Variants in DYM observed in about 807,000 individuals in gnomAD.
The protein encoded by DYM is dyggve-Melchior-Clausen syndrome protein.
A neutral mutation model predicts 93.1 loss-of-function variants in DYM; 78 were observed. The ratio of observed to expected loss-of-function variants is 0.84; its 90% CI spans 0.70 to 1.01. The LOEUF is 1.01. Among genes scored for constraint, DYM ranks in the 50% least tolerant of loss-of-function variants. The pLI, the probability that DYM is intolerant of heterozygous loss-of-function variation, is 0.00. For synonymous variants in DYM, 321 were observed against 319.7 expected, an observed-to-expected ratio of 1.00 and a Z score of -0.04; for missense variants, 789 against 845.0, an observed-to-expected ratio of 0.93 and a Z score of 0.82.
At chr18:49,175,583 G>A (rs1041737371) in intron 14 of DYM, among the ~76,000 whole-genome samples, 11 of 152,126 alleles carry the variant, frequency 7.2e-5, no homozygotes, top group Admixed American at 6.5e-5. Context: ...CTAAAATGAT[G>A]TTGATTTTAT....
chr18:49,115,249 T>C (rs985393190), intron 16 of DYM, among the ~76,000 whole-genome samples: 5 of 152,170 alleles, frequency 3.3e-5, no homozygotes, highest in Non-Finnish European at 5.9e-5. Flanking sequence ...TTAAATAAAA[T>C]GTTAAAGCTA....
At chr18:49,339,165 C>T (rs538197179) in intron 6 of DYM, among the ~76,000 whole-genome samples, 1 of 152,328 alleles carries the variant, frequency 6.6e-6, no homozygotes, top group African/African-American at 2.4e-5. Flanking sequence ...AACCCTCATG[C>T]TCTGCTGATG....
intron 8 of DYM, among the ~76,000 whole-genome samples, chr18:49,290,365 T>C (rs938384361): frequency 4.0e-5 from 6 of 151,398 alleles, no homozygotes; most frequent in Admixed American, 6.6e-5. Flanking sequence ...TATGTACATA[T>C]TTAAAAAAAA....
chr18:49,266,720 T>A (rs1167134922), intron 11 of DYM, among the ~76,000 whole-genome samples: 9 of 152,228 alleles, frequency 5.9e-5, no homozygotes, highest in Admixed American at 5.9e-4. Context: ...AACAGTAGAA[T>A]AATTTGTCTT....
intron 2 of DYM, among the ~76,000 whole-genome samples, chr18:49,413,827 T>G (rs535663265): frequency 6.6e-6 from 1 of 152,072 alleles, no homozygotes; most frequent in African/African-American, 2.4e-5. Flanking sequence ...CTGGCCAACA[T>G]GGTGAAACCC....
intron 8 of DYM, among the ~76,000 whole-genome samples, chr18:49,319,599 A>C (rs1394229173): frequency 6.6e-6 from 1 of 152,224 alleles, no homozygotes; most frequent in Non-Finnish European, 1.5e-5. Context: ...CTGGACACTT[A>C]TCACACGTTA....
chr18:49,447,900 CAA>C (rs1485775966), intron 1 of DYM, among the ~76,000 whole-genome samples: 4 of 152,140 alleles, frequency 2.6e-5, no homozygotes, highest in Non-Finnish European at 4.4e-5. Context: ...CCTGACCCCC[CAA>C]CAGTGAGAAT....
chr18:49,291,568 T>C (rs1222368150), intron 8 of DYM, among the ~76,000 whole-genome samples: 2 of 152,172 alleles, frequency 1.3e-5, no homozygotes, highest in Non-Finnish European at 2.9e-5. Flanking sequence ...AAATCTGGTA[T>C]AAATTTTCAG....
At chr18:49,298,787 A>C (rs2060719318) in intron 8 of DYM, among the ~76,000 whole-genome samples, 1 of 152,194 alleles carries the variant, frequency 6.6e-6, no homozygotes, top group Non-Finnish European at 1.5e-5. Context: ...ACAACCATGA[A>C]AGGTACTAGA....
At chr18:49,337,405 G>C (rs1490065342) in intron 6 of DYM, among the ~76,000 whole-genome samples, 2 of 152,128 alleles carry the variant, frequency 1.3e-5, no homozygotes, top group African/African-American at 4.8e-5. Flanking sequence ...CTGCCTTCTG[G>C]TGATCCACGT....
At chr18:49,084,071 G>A (rs2078283758) in intron 17 of DYM, among the ~76,000 whole-genome samples, 1 of 152,072 alleles carries the variant, frequency 6.6e-6, no homozygotes, top group Non-Finnish European at 1.5e-5. Context: ...TAAGGTAGAA[G>A]CTTAGATTAT....
At chr18:49,169,768 C>T (rs542802697) in intron 14 of DYM, among the ~76,000 whole-genome samples, 2 of 152,250 alleles carry the variant, frequency 1.3e-5, no homozygotes, top group East Asian at 3.9e-4. Flanking sequence ...CAATGTGGGC[C>T]AAGTGTATAA....
At chr18:49,331,759 TC>T in intron 8 of DYM, 104 bp downstream of exon 8, 1 of 1,244,272 alleles carries the variant, frequency 8.0e-7, no homozygotes, top group South Asian at 1.2e-5. Context: ...CTGCACAAAT[TC>T]AATGTAACTA....
At chr18:49,202,411 C>A (rs1275403325) in intron 14 of DYM, among the ~76,000 whole-genome samples, 4 of 148,046 alleles carry the variant, frequency 2.7e-5, no homozygotes, top group East Asian at 2.0e-4. Flanking sequence ...TGCCCGGCCG[C>A]CACCCCGTCT....
chr18:49,391,322 T>G (rs2069229279), intron 3 of DYM: 3 of 394,050 alleles, frequency 7.6e-6, no homozygotes, highest in African/African-American at 6.1e-5. Context: ...TTATTTTCAG[T>G]ATTTCAAAAT....
rs7242718 is a variant in DYM, at chr18:49,289,727, G to A, written c.764-3111C>T. Reference sequence around the variant, plus strand: ...CCCTATCTCAAATATATATATATGTGTATATATATATATATATATATATAT... The same window carrying A: ...CCCTATCTCAAATATATATATATGTATATATATATATATATATATATATAT... On this transcript the variant is annotated intron_variant, in intron 8 of 17. Coordinates refer to ENST00000675505, the MANE Select transcript of DYM (RefSeq NM_001353214.3). Among the ~76,000 whole-genome samples the A allele has an allele frequency of 6.2e-3, 527 of 84,882 alleles. 11 individuals are homozygous for A. Among genetic ancestry groups the A allele is most frequent in the African/African-American group, 0.024 (472 of 19,552 alleles). 55.7% of individuals were successfully genotyped at this position (84,882 alleles called of 152,430 possible).
Position 49,044,192 on chromosome 18 carries a change from A to G in DYM, c.2038T>C (p.Leu680=). ...TCCTCTTCCACATATTTGAATTTCA[A>G]TTCTGGAAATTTCTGCAATGAAAAT... ...PKDRLKKFPE[L]KFKYVEEEQP... The change falls in exon 18 of 18, where the codon TTG becomes CTG. Residue 680 remains leucine (L), a synonymous_variant. Transcript: ENST00000675505. The G allele has an allele frequency of 6.2e-7, 1 of 1,614,170 alleles. No individual in the cohort carries two copies. The highest frequency in any genetic ancestry group is 8.5e-7 in the Non-Finnish European group (1 of 1,180,026).
intron 2 of DYM, among the ~76,000 whole-genome samples, chr18:49,407,674 ACACTT>A (rs2071666340): frequency 6.6e-6 from 1 of 152,206 alleles, no homozygotes; most frequent in South Asian, 2.1e-4. Context: ...CATGACCCAA[ACACTT>A]CTCACCAGGC....
At chr18:49,099,204 T>C (rs890184967) in intron 16 of DYM, among the ~76,000 whole-genome samples, 3 of 151,036 alleles carry the variant, frequency 2.0e-5, no homozygotes, top group African/African-American at 7.3e-5. Flanking sequence ...GCTTACTGAA[T>C]TTTTTTTTTC....
Sources: allele counts gnomAD v4.1 joint callset (sites outside exome capture counted in the v4.1 genomes callset), GRCh38; gene constraint gnomAD v4.1.1; transcripts MANE v1.5; gene names NCBI Gene and HGNC (gene_info 2026-07-23, HGNC 2026-07-21).